Variants in TTC17 observed in about 807,000 individuals in gnomAD.
TTC17 encodes tetratricopeptide repeat protein 17.
TTC17 carries 58 observed loss-of-function variants against 143.8 expected under a neutral mutation model. The observed-to-expected ratio is 0.40, with a 90% CI of 0.33 to 0.50. TTC17 has a LOEUF of 0.50. Among genes scored for constraint, TTC17 ranks in the 20% least tolerant of loss-of-function variants. The pLI, the probability that TTC17 is intolerant of heterozygous loss-of-function variation, is 0.49. For missense variants in TTC17, 1,273 were observed against 1,392.5 expected (o/e 0.91, Z 1.37); for synonymous variants, 501 against 497.8 (o/e 1.01, Z -0.09).
In TTC17 at chr11:43,443,502, T is replaced by C. The variant is rs1393438995; in HGVS notation, c.2429T>C (p.Leu810Pro). ...CTAGACTTACAAGGAATACGGGTGC[T>C]GAAGAAAGGTCCCCAGGATGGAGTG... is the stretch of plus-strand genomic sequence containing the variant. ...RRLDLQGIRV[L>P]KKGPQDGVAR... The change falls in exon 17 of 24, where the codon CTG becomes CCG. Residue 810 changes from leucine to proline, a missense_variant. Coordinates refer to ENST00000039989, the MANE Select transcript of TTC17 (RefSeq NM_018259.6). The C allele has an allele frequency of 6.2e-7, 1 of 1,614,144 alleles. No homozygotes were observed. Among genetic ancestry groups the C allele is most frequent in the Non-Finnish European group, 8.5e-7 (1 of 1,180,018 alleles).
At position 43,450,222 on chromosome 11, in the gene TTC17, G is replaced by A. The variant is rs755424905; in HGVS notation, c.2927G>A (p.Gly976Glu). 2 of 1,613,818 alleles carry A rather than the reference G, an allele frequency of 1.2e-6. No homozygotes were observed. The highest frequency in any genetic ancestry group is 1.7e-6 in the Non-Finnish European group (2 of 1,179,868). Reference protein sequence around the residue: ...VSNRASLHYTGESQLTEVLQN... With the variant: ...VSNRASLHYTEESQLTEVLQN... ...AACCGAGCCAGCCTGCACTACACAG[G>A]GGAGAGTCAGTTAACAGAGGTGAGT... Residue 976 changes from glycine (G) to glutamate (E), a missense_variant, in exon 20 of 24, where the codon GGG becomes GAG. This residue lies in a region of TTC17 where 878 missense variants were observed against 899.8 expected (regional missense o/e 0.98). Coordinates refer to ENST00000039989, the MANE Select transcript of TTC17 (RefSeq NM_018259.6).
chr11:43,403,392 A>G (rs753287719), intron 10 of TTC17, among the ~76,000 whole-genome samples: 4 of 152,054 alleles, frequency 2.6e-5, no homozygotes, highest in African/African-American at 7.2e-5. Context: ...TCCCATTCTC[A>G]TTATCTAGCA....
At chr11:43,445,850 A>G in intron 18 of TTC17, 1 of 735,160 alleles carries the variant, frequency 1.4e-6, no homozygotes, top group Non-Finnish European at 2.4e-6. Context: ...TGGGGGAAAA[A>G]TGGAGATCAT....
intron 21 of TTC17, among the ~76,000 whole-genome samples, chr11:43,489,401 TAAGGAA>T (rs1247261200): frequency 6.6e-6 from 1 of 152,084 alleles, no homozygotes; most frequent in Non-Finnish European, 1.5e-5. Flanking sequence ...GATGGGGCTA[TAAGGAA>T]ATGGTGATAC....
rs1554990729 is a variant in TTC17, at chr11:43,413,027, C to CAA, written c.2065-1561_2065-1560dup. On this transcript the variant is annotated intron_variant, in intron 15 of 23. Coordinates refer to ENST00000039989, the MANE Select transcript of TTC17 (RefSeq NM_018259.6). ...ACACACACACACACACACACACACACAAATGGGGGCAGGGTGATGGGGAGG... is the reference window on the plus strand; with the variant it reads ...ACACACACACACACACACACACACACAAAAATGGGGGCAGGGTGATGGGGAGG... Among the ~76,000 whole-genome samples the CAA allele has an allele frequency of 5.0e-3, 589 of 117,076 alleles. 6 individuals carry two copies. Among genetic ancestry groups the CAA allele is most frequent in the Middle Eastern group, 5.0e-3 (1 of 200 alleles). The allele number at this position is 117,076 out of a possible 152,430, so 76.8% of individuals were successfully genotyped here.
At chr11:43,455,196 T>C (rs1403487943) in intron 21 of TTC17, among the ~76,000 whole-genome samples, 1 of 151,664 alleles carries the variant, frequency 6.6e-6, no homozygotes, top group Non-Finnish European at 1.5e-5. Context: ...TAGAATTTCT[T>C]GAAGATACAT....
At chr11:43,393,871 G>A (rs1204996528) in intron 5 of TTC17, among the ~76,000 whole-genome samples, 1 of 152,204 alleles carries the variant, frequency 6.6e-6, no homozygotes, top group Non-Finnish European at 1.5e-5. Flanking sequence ...CTGGAGGCTG[G>A]GAAGTCTAAG....
chr11:43,397,531 C>T, intron 7 of TTC17, 40 bp downstream of exon 7: 6 of 1,451,418 alleles, frequency 4.1e-6, no homozygotes, highest in South Asian at 1.4e-5. Context: ...TGCTAGTTGC[C>T]ACTTTCTTTT....
At chr11:43,404,198 A>C in intron 11 of TTC17, 54 bp downstream of exon 11, 1 of 1,552,170 alleles carries the variant, frequency 6.4e-7, no homozygotes, top group Non-Finnish European at 8.7e-7. Flanking sequence ...AGATCCATTA[A>C]AGCAGTGGCC....
In TTC17 at chr11:43,450,195, C is replaced by A; in HGVS notation, c.2900C>A (p.Ser967Tyr). The change falls in exon 20 of 24, where the codon TCC (serine) becomes TAC (tyrosine). Residue 967 changes from serine (S) to tyrosine (Y), a missense_variant. By Grantham distance (144) the Ser-to-Tyr change is moderately radical. This residue lies in a region of TTC17 where 878 missense variants were observed against 899.8 expected (regional missense o/e 0.98). Coordinates refer to ENST00000039989, the MANE Select transcript of TTC17 (RefSeq NM_018259.6). ...MHTLDHLHGVSNRASLHYTGE... is the reference protein window; with the variant it reads ...MHTLDHLHGVYNRASLHYTGE... ...ACCCTGGACCACTTGCATGGGGTTT[C>A]CAACCGAGCCAGCCTGCACTACACA... 6.2e-7 allele frequency: 1 copy of A among 1,614,128 alleles called. No homozygotes were observed. Among genetic ancestry groups the A allele is most frequent in the South Asian group, 1.1e-5 (1 of 91,072 alleles).
Position 43,490,463 on chromosome 11 carries a change from G to C in TTC17, c.3150+105G>C, listed in dbSNP as rs536005240. 1.7e-5 allele frequency: 25 copies of C among 1,452,890 alleles called. No individual in the cohort carries two copies. The African/African-American group carries it at 3.4e-4, about 20-fold the overall frequency. 90.0% of individuals were successfully genotyped at this position (1,452,890 alleles called of 1,614,324 possible). A position where few individuals can be genotyped will look rare whatever the true frequency, so the allele number is the denominator to read the frequency against. ...GCCTCCCTCATGCTCAGCCAGTGAG[G>C]ACATATTCCAAGGAGAGAATGGGGC... On this transcript the variant is annotated intron_variant, in intron 22 of 23. Transcript: ENST00000039989.
At position 43,465,403 on chromosome 11, in the gene TTC17, G is replaced by A. The variant is rs573230988; in HGVS notation, c.3030+14138G>A. ...AGAAATATACTCACAGATGATTCAG[G>A]CAGTGGAGTTAAGACCAGGACTTGA... On this transcript the variant is annotated intron_variant, in intron 21 of 23. Coordinates refer to ENST00000039989, the MANE Select transcript of TTC17 (RefSeq NM_018259.6). Among the ~76,000 whole-genome samples the A allele has an allele frequency of 7.9e-5, 12 of 152,290 alleles. No individual in the cohort carries two copies. In the South Asian group the frequency reaches 2.5e-3, roughly 32 times the overall value.
At chr11:43,384,200 T>G (rs1025716184) in intron 2 of TTC17, among the ~76,000 whole-genome samples, 1 of 150,668 alleles carries the variant, frequency 6.6e-6, no homozygotes, top group African/African-American at 2.4e-5. Context: ...AAAGAGGATG[T>G]AGGAGGAGAG....
intron 17 of TTC17, 42 bp from the exon 18 acceptor site, chr11:43,444,014 A>C: frequency 6.4e-7 from 1 of 1,555,326 alleles, no homozygotes; most frequent in Non-Finnish European, 8.7e-7. Context: ...GACAGATTTG[A>C]TCACTGGTCT....
chr11:43,443,247 A>C (rs1328616426), intron 16 of TTC17, 78 bp from the exon 17 acceptor site: 15 of 1,540,600 alleles, frequency 9.7e-6, no homozygotes, highest in Non-Finnish European at 1.3e-5. Flanking sequence ...CGTTTCTCCA[A>C]AAGCAGGGTT....
chr11:43,474,379 C>T (rs1188636527), intron 21 of TTC17, among the ~76,000 whole-genome samples: 2 of 152,036 alleles, frequency 1.3e-5, no homozygotes, highest in South Asian at 2.1e-4. Flanking sequence ...AAGACTAAAT[C>T]TTAAAAATAT....
chr11:43,461,066 G>A (rs1173521654), intron 21 of TTC17, among the ~76,000 whole-genome samples: 1 of 152,196 alleles, frequency 6.6e-6, no homozygotes, highest in African/African-American at 2.4e-5. Context: ...CAATGAGACT[G>A]TTAGCTTTTA....
At chr11:43,426,228 G>C (rs927705757) in intron 16 of TTC17, among the ~76,000 whole-genome samples, 4 of 152,168 alleles carry the variant, frequency 2.6e-5, no homozygotes, top group Non-Finnish European at 2.9e-5. Context: ...CAGTACACTG[G>C]CTAAAAGCCA....
intron 21 of TTC17, among the ~76,000 whole-genome samples, chr11:43,454,583 A>T (rs1947726623): frequency 6.6e-6 from 1 of 152,136 alleles, no homozygotes; most frequent in Admixed American, 6.5e-5. Flanking sequence ...TGTATTCGAG[A>T]AATATCCAAA....
Sources: gnomAD v4.1 joint callset for allele counts (sites outside exome capture counted in the v4.1 genomes callset) on GRCh38, gnomAD v4.1.1 for gene constraint, gnomAD v4.1.1 regional missense constraint, MANE v1.5 for transcripts, NCBI Gene and HGNC (gene_info 2026-07-23, HGNC 2026-07-21) for gene names.